Variants in WSCD2 observed in about 807,000 individuals in gnomAD.
WSCD2 encodes the protein WSC domain sialate O sulfotransferase 2.
WSCD2 carries 28 observed loss-of-function variants against 55.7 expected under a neutral mutation model. The observed-to-expected ratio is 0.50, with a 90% CI of 0.37 to 0.69. The LOEUF (loss-of-function observed/expected upper bound fraction) is 0.69, where lower values mean the gene tolerates loss of function less well. WSCD2 is among the 30% of genes least tolerant of loss of function. The probability of loss-of-function intolerance (pLI) is 0.00; values close to 1 mark genes in which losing one functional copy is unlikely to be tolerated. For missense variants in WSCD2, 616 were observed against 762.1 expected (o/e 0.81, Z 2.26); for synonymous variants, 301 against 301.9 (o/e 1.00, Z 0.03).
At chr12:108,221,274 G>A (rs577824903) in intron 4 of WSCD2, among the ~76,000 whole-genome samples, 27 of 152,238 alleles carry the variant, frequency 1.8e-4, no homozygotes, top group African/African-American at 5.1e-4. Flanking sequence ...CCACTTTCCC[G>A]GTGGGTGTGG....
intron 6 of WSCD2, among the ~76,000 whole-genome samples, chr12:108,229,671 T>C (rs542337843): frequency 6.6e-6 from 1 of 152,352 alleles, no homozygotes; most frequent in East Asian, 1.9e-4. Flanking sequence ...CATATAATAC[T>C]GCCTGCAACA....
rs763061713 is a variant in WSCD2, at chr12:108,210,117, C to T, written c.498-4C>T. The T allele has an allele frequency of 5.0e-6, 8 of 1,613,978 alleles. No individual in the cohort carries two copies. The highest frequency in any genetic ancestry group is 6.8e-6 in the Non-Finnish European group (8 of 1,180,012). Reference sequence around the variant, plus strand: ...CTACCCTGCTTGACAGCAGCCTCCCCCAGGGGTTACCTGTATGGCGGGCTG... The same window carrying T: ...CTACCCTGCTTGACAGCAGCCTCCCTCAGGGGTTACCTGTATGGCGGGCTG... On this transcript the variant is annotated splice_polypyrimidine_tract_variant and splice_region_variant and intron_variant, in intron 3 of 8. Transcript: ENST00000547525. The surrounding 1 kb of genome is among the most constrained non-coding windows in gnomAD (Gnocchi z 4.3).
chr12:108,188,285 A>G (rs1882760084), intron 1 of WSCD2, among the ~76,000 whole-genome samples: 1 of 152,076 alleles, frequency 6.6e-6, no homozygotes, highest in Non-Finnish European at 1.5e-5. Flanking sequence ...AGGGGGCAAC[A>G]TACGGGTGTG....
intron 1 of WSCD2, among the ~76,000 whole-genome samples, chr12:108,166,774 T>TTTCTTTCTTTCTTTC (rs1879686621): frequency 6.7e-6 from 1 of 148,790 alleles, no homozygotes; most frequent in Non-Finnish European, 1.5e-5. Context: ...TCTTTCTTTC[T>TTTCTTTCTTTCTTTC]TTCTTTCTTT....
At chr12:108,196,440 G>A in intron 2 of WSCD2, 1 of 614,350 alleles carries the variant, frequency 1.6e-6, no homozygotes, top group Non-Finnish European at 2.6e-6. Flanking sequence ...CAAGAGGCAA[G>A]TTTGGATTTG....
intron 1 of WSCD2, among the ~76,000 whole-genome samples, chr12:108,157,000 A>G (rs1420966931): frequency 1.3e-5 from 2 of 152,146 alleles, no homozygotes; most frequent in Non-Finnish European, 2.9e-5. Context: ...AGAGAAATCG[A>G]CTTCTCACTT....
chr12:108,182,567 A>G (rs1881927117), intron 1 of WSCD2, among the ~76,000 whole-genome samples: 1 of 152,240 alleles, frequency 6.6e-6, no homozygotes, highest in Admixed American at 6.5e-5. Context: ...CAGTATTTAA[A>G]GGAGAAAAGC....
intron 1 of WSCD2, among the ~76,000 whole-genome samples, chr12:108,169,422 C>T (rs1880002664): frequency 6.6e-6 from 1 of 152,076 alleles, no homozygotes; most frequent in South Asian, 2.1e-4. Context: ...GGGTATTCCC[C>T]TAGCTCTGCT....
intron 4 of WSCD2, among the ~76,000 whole-genome samples, chr12:108,211,650 TAC>T (rs1491056307): frequency 1.6e-5 from 2 of 124,668 alleles, no homozygotes; most frequent in African/African-American, 5.5e-5. Context: ...TATATATATA[TAC>T]ATATATATAT....
intron 1 of WSCD2, among the ~76,000 whole-genome samples, chr12:108,175,943 C>T (rs1167031097): frequency 6.6e-6 from 1 of 152,008 alleles, no homozygotes; most frequent in African/African-American, 2.4e-5. Context: ...GGGTTCATGC[C>T]ATTCTCCTGC....
intron 1 of WSCD2, among the ~76,000 whole-genome samples, chr12:108,162,357 A>C (rs2071252338): frequency 6.6e-6 from 1 of 152,090 alleles, no homozygotes; most frequent in Non-Finnish European, 1.5e-5. Context: ...GGAATAATCA[A>C]ACACATATGC....
intron 2 of WSCD2, among the ~76,000 whole-genome samples, chr12:108,204,465 T>A (rs553311620): frequency 6.6e-6 from 1 of 152,336 alleles, no homozygotes; most frequent in South Asian, 2.1e-4. Context: ...AGGGAATGGC[T>A]GAACTGAAGT....
Position 108,189,615 on chromosome 12 carries a change from G to T in WSCD2, c.-551-5667G>T, listed in dbSNP as rs537804838. 2.0e-5 allele frequency: 3 copies of T among 152,338 alleles called. No individual in the cohort carries two copies. In the South Asian group the frequency reaches 6.2e-4, roughly 32 times the overall value. 9.4% of individuals were successfully genotyped at this position (152,338 alleles called of 1,614,324 possible). ...AAAGGACTGACAACATTAAGTGTTGGTGTGGATTTGGAGCAGCAGGAATGC... is the reference window on the plus strand; with the variant it reads ...AAAGGACTGACAACATTAAGTGTTGTTGTGGATTTGGAGCAGCAGGAATGC... On this transcript the variant is annotated intron_variant, in intron 1 of 8. Transcript: ENST00000547525.
chr12:108,131,289 G>A (rs1875480050), intron 1 of WSCD2, among the ~76,000 whole-genome samples: 1 of 152,204 alleles, frequency 6.6e-6, no homozygotes, highest in South Asian at 2.1e-4. Context: ...TCTCAAAAAT[G>A]AAGAGATTTC....
In WSCD2 at chr12:108,195,895, C is replaced by A; in HGVS notation, c.63C>A (p.Thr21=). The change falls in exon 2 of 9, where the codon ACC becomes ACA. Residue 21 remains threonine (T), a synonymous_variant. Coordinates refer to ENST00000547525, the MANE Select transcript of WSCD2 (RefSeq NM_014653.4). ...YFRRKPVRFF[T]FLALYLTAGS... is the part of the protein sequence containing the mutation. ...GCCGGAAACCTGTGCGCTTCTTTAC[C>A]TTCCTGGCACTCTACCTGACTGCTG... is the stretch of plus-strand genomic sequence containing the variant. 1 of 1,614,148 alleles carries A rather than the reference C, an allele frequency of 6.2e-7. No homozygotes were observed. The highest frequency in any genetic ancestry group is 8.5e-7 in the Non-Finnish European group (1 of 1,180,014).
At chr12:108,198,269 C>G (rs569389879) in intron 2 of WSCD2, among the ~76,000 whole-genome samples, 1 of 152,202 alleles carries the variant, frequency 6.6e-6, no homozygotes, top group East Asian at 1.9e-4. Context: ...TGCTGAATAC[C>G]TATTTGTTGA....
At chr12:108,224,492 G>A (rs765105666) in intron 4 of WSCD2, among the ~76,000 whole-genome samples, 2 of 152,242 alleles carry the variant, frequency 1.3e-5, no homozygotes, top group Non-Finnish European at 2.9e-5. Context: ...TCTCATCTCA[G>A]CGACCTGGGT....
chr12:108,170,598 C>A (rs1592925862), intron 1 of WSCD2, among the ~76,000 whole-genome samples: 1 of 152,080 alleles, frequency 6.6e-6, no homozygotes, highest in African/African-American at 2.4e-5. Flanking sequence ...TGCGGCTGGG[C>A]AAGTTATTTC....
intron 1 of WSCD2, among the ~76,000 whole-genome samples, chr12:108,185,034 T>C (rs1882279024): frequency 6.6e-6 from 1 of 152,152 alleles, no homozygotes; most frequent in South Asian, 2.1e-4. Context: ...TTTCCATTGC[T>C]GATGAAAATT....
Sources: allele counts gnomAD v4.1 joint callset (sites outside exome capture counted in the v4.1 genomes callset), GRCh38; gene constraint gnomAD v4.1.1; non-coding constraint Gnocchi (gnomAD v3.1); transcripts MANE v1.5; gene names NCBI Gene and HGNC (gene_info 2026-07-23, HGNC 2026-07-21).